Variants in CDC42BPA observed in about 807,000 individuals in gnomAD.
CDC42BPA encodes the protein CDC42 binding protein kinase alpha.
A neutral mutation model predicts 223.5 loss-of-function variants in CDC42BPA; 80 were observed. The observed-to-expected ratio is 0.36, with a 90% CI of 0.30 to 0.43. The LOEUF (loss-of-function observed/expected upper bound fraction) is 0.43, where lower values mean the gene tolerates loss of function less well. CDC42BPA is among the 20% of genes least tolerant of loss of function. The pLI, the probability that CDC42BPA is intolerant of heterozygous loss-of-function variation, is 1.00. For synonymous variants in CDC42BPA, 694 were observed against 718.6 expected (o/e 0.97, Z 0.55); for missense variants, 1,743 against 2,099.9 (o/e 0.83, Z 3.32).
At chr1:227,144,561 C>T (rs1445196640) in intron 8 of CDC42BPA, among the ~76,000 whole-genome samples, 1 of 88,428 alleles carries the variant, frequency 1.1e-5, no homozygotes, top group East Asian at 3.4e-4. Flanking sequence ...GGAGACAGAG[C>T]GAGACTCTGT....
chr1:227,274,903 A>G (rs1686654636), intron 1 of CDC42BPA, among the ~76,000 whole-genome samples: 1 of 152,210 alleles, frequency 6.6e-6, no homozygotes, highest in Non-Finnish European at 1.5e-5. Context: ...TAACTGACCT[A>G]GCCTCAATGT....
chr1:227,147,849 G>T (rs1660968962), intron 6 of CDC42BPA, among the ~76,000 whole-genome samples: 1 of 151,440 alleles, frequency 6.6e-6, no homozygotes, highest in Admixed American at 6.6e-5. Flanking sequence ...CTGAATATTT[G>T]GTTTAGAACA....
chr1:227,073,747 A>G, intron 19 of CDC42BPA, 117 bp downstream of exon 19: 1 of 744,362 alleles, frequency 1.3e-6, no homozygotes, highest in South Asian at 2.0e-5. Flanking sequence ...TCTTTGTAAC[A>G]TATTTGGCCA....
chr1:227,236,644 T>C (rs6426596), intron 2 of CDC42BPA, among the ~76,000 whole-genome samples: 126,525 of 152,144 alleles, frequency 0.83, 52,751 homozygotes, highest in South Asian at 0.88. Flanking sequence ...AAGTGAACAA[T>C]ATATAACTAA....
chr1:227,262,753 C>T (rs761096787), intron 1 of CDC42BPA, among the ~76,000 whole-genome samples: 6 of 152,116 alleles, frequency 3.9e-5, no homozygotes, highest in Non-Finnish European at 5.9e-5. Flanking sequence ...ACTAGAGGAA[C>T]AATAAGGAAT....
In CDC42BPA at chr1:226,993,139, G is replaced by C. The variant is rs563460045; in HGVS notation, c.*1129C>G. Reference sequence around the variant, plus strand: ...CTCCTTGGGAAGCATCTCCAGCCCTGGGACAGACACCTCGCTGTGACTTAG... The same window carrying C: ...CTCCTTGGGAAGCATCTCCAGCCCTCGGACAGACACCTCGCTGTGACTTAG... On this transcript the variant is annotated 3_prime_UTR_variant, in exon 37 of 37. Coordinates refer to ENST00000366766, the MANE Select transcript of CDC42BPA (RefSeq NM_001394014.1). 3 of 152,346 alleles carry C rather than the reference G, an allele frequency of 2.0e-5. No individual in the cohort carries two copies. In the East Asian group the frequency reaches 5.8e-4, roughly 29 times the overall value. The allele number at this position is 152,346 out of a possible 1,614,324, so 9.4% of individuals were successfully genotyped here. A position where few individuals can be genotyped will look rare whatever the true frequency, so the allele number is the denominator to read the frequency against.
At position 227,061,344 on chromosome 1, in the gene CDC42BPA, C is replaced by T. The variant is rs187473402; in HGVS notation, c.2904+8433G>A. Among the ~76,000 whole-genome samples, 133 of 152,176 alleles carry T rather than the reference C, an allele frequency of 8.7e-4. 1 individual carries two copies. The highest frequency in any genetic ancestry group is 1.5e-3 in the Non-Finnish European group (100 of 67,998). On this transcript the variant is annotated intron_variant, in intron 21 of 36. Coordinates refer to ENST00000366766, the MANE Select transcript of CDC42BPA (RefSeq NM_001394014.1). ...TATTATGTGCAGAGTATATGCAGAT[C>T]GTTTTCCAAAGTGCTTTACATATAT...
At position 227,317,046 on chromosome 1, in the gene CDC42BPA, G is replaced by T. The variant is rs369190607; in HGVS notation, c.137C>A (p.Pro46Gln). 1 of 1,613,574 alleles carries T rather than the reference G, an allele frequency of 6.2e-7. No homozygotes were observed. The highest frequency in any genetic ancestry group is 8.5e-7 in the Non-Finnish European group (1 of 1,179,646). The change falls in exon 1 of 37, where the codon CCA becomes CAA. Residue 46 changes from proline to glutamine, a missense_variant. Pro to Gln is a moderately conservative substitution (Grantham distance 76). Around this residue, in one of 6 missense-constraint regions of CDC42BPA, gnomAD observed 321 missense variants for 488.7 expected, o/e 0.66. Transcript: ENST00000366766. ...ICLYDECNNS[P>Q]LRREKNILEY... ...GAGAATGTTCTTCTCTCTTCTCAAT[G>T]GAGAATTATTGCATTCATCATAAAG...
intron 14 of CDC42BPA, among the ~76,000 whole-genome samples, chr1:227,111,074 A>G (rs751083255): frequency 5.9e-5 from 9 of 152,256 alleles, no homozygotes; most frequent in Non-Finnish European, 1.2e-4. Flanking sequence ...TTGCAAATAA[A>G]TAATTACAAT....
chr1:227,129,819 C>G (rs950594231), intron 10 of CDC42BPA, among the ~76,000 whole-genome samples: 2 of 151,212 alleles, frequency 1.3e-5, no homozygotes, highest in African/African-American at 4.9e-5. Context: ...GGAACATCAC[C>G]ATGTGATAAC....
intron 35 of CDC42BPA, chr1:227,003,926 C>T (rs1663450723): frequency 6.6e-6 from 1 of 152,172 alleles, no homozygotes; most frequent in African/African-American, 2.4e-5. Flanking sequence ...ACCCCCAGCA[C>T]CTCAGCAGAA....
chr1:227,035,747 G>A, intron 24 of CDC42BPA, 140 bp from the exon 25 acceptor site: 3 of 578,252 alleles, frequency 5.2e-6, no homozygotes, highest in Non-Finnish European at 8.6e-6. Flanking sequence ...TTATCATTTG[G>A]GTAGCTGATT....
chr1:227,253,716 A>G (rs1682568739), intron 2 of CDC42BPA, among the ~76,000 whole-genome samples: 1 of 152,144 alleles, frequency 6.6e-6, no homozygotes, highest in Non-Finnish European at 1.5e-5. Flanking sequence ...GAGAAAAAGG[A>G]AGTCAGAGTA....
At chr1:227,173,309 T>A (rs1384601110) in intron 5 of CDC42BPA, among the ~76,000 whole-genome samples, 1 of 152,178 alleles carries the variant, frequency 6.6e-6, no homozygotes, top group Non-Finnish European at 1.5e-5. Context: ...ATTATCTGTA[T>A]AGTGAAGGCC....
intron 21 of CDC42BPA, among the ~76,000 whole-genome samples, chr1:227,063,082 G>C (rs1676263159): frequency 6.6e-6 from 1 of 151,996 alleles, no homozygotes; most frequent in African/African-American, 2.4e-5. Flanking sequence ...CTTAGAAATT[G>C]TCTAATTTTT....
rs1673617256 is a variant in CDC42BPA, at chr1:227,051,987, T to C, written c.2905-2A>G. 7.3e-7 allele frequency: 1 copy of C among 1,363,932 alleles called. No homozygotes were observed. Among genetic ancestry groups the C allele is most frequent in the Non-Finnish European group, 9.8e-7 (1 of 1,019,600 alleles). 84.5% of individuals were successfully genotyped at this position (1,363,932 alleles called of 1,614,324 possible). A position where few individuals can be genotyped will look rare whatever the true frequency, so the allele number is the denominator to read the frequency against. The stretch of plus-strand genomic sequence containing the variant: ...ATATGTGTTCTCAACGGGATCAGTC[T>C]AGGAAAATAAGTCGGGAAAAATAAA... On this transcript the variant is annotated splice_acceptor_variant, in intron 21 of 36. Transcript: ENST00000366766. LOFTEE classifies it high-confidence loss of function.
At chr1:227,070,500 C>A (rs553740153) in intron 20 of CDC42BPA, among the ~76,000 whole-genome samples, 16 of 151,810 alleles carry the variant, frequency 1.1e-4, no homozygotes, top group African/African-American at 2.7e-4. Context: ...TAGAAAAAAA[C>A]CAGAAAACAG....
intron 15 of CDC42BPA, among the ~76,000 whole-genome samples, chr1:227,095,207 T>C (rs567495160): frequency 6.6e-6 from 1 of 152,330 alleles, no homozygotes; most frequent in East Asian, 1.9e-4. Context: ...CTTAATAACA[T>C]CTATTTGTGT....
At chr1:227,123,961 T>C (rs969788278) in intron 11 of CDC42BPA, among the ~76,000 whole-genome samples, 1 of 152,122 alleles carries the variant, frequency 6.6e-6, no homozygotes, top group Non-Finnish European at 1.5e-5. Flanking sequence ...AAGTACATTA[T>C]AGATTATAAT....
Sources: gnomAD v4.1 joint callset for allele counts (sites outside exome capture counted in the v4.1 genomes callset) on GRCh38, gnomAD v4.1.1 for gene constraint, gnomAD v4.1.1 regional missense constraint, MANE v1.5 for transcripts, NCBI Gene and HGNC (gene_info 2026-07-23, HGNC 2026-07-21) for gene names.